Variants in SPATS2L observed in about 807,000 individuals in gnomAD.
SPATS2L encodes the protein spermatogenesis associated serine rich 2 like.
In SPATS2L, 30 loss-of-function variants were observed where a neutral mutation model predicts 59.6. The observed-to-expected ratio is 0.50, with a 90% confidence interval of 0.38 to 0.68. The LOEUF is 0.68. SPATS2L is among the 30% of genes least tolerant of loss of function. The pLI, the probability that SPATS2L is intolerant of heterozygous loss-of-function variation, is 0.00. For synonymous variants in SPATS2L, 252 were observed against 263.5 expected, an observed-to-expected ratio of 0.96 and a Z score of 0.42; for missense variants, 615 against 700.0, an observed-to-expected ratio of 0.88 and a Z score of 1.37.
chr2:200,436,047 C>T (rs1460690800), intron 6 of SPATS2L, among the ~76,000 whole-genome samples: 1 of 152,064 alleles, frequency 6.6e-6, no homozygotes, highest in Non-Finnish European at 1.5e-5. Context: ...GCCACATTTC[C>T]AGTGTTCAAC....
At chr2:200,436,769 G>A (rs1343492566) in intron 6 of SPATS2L, among the ~76,000 whole-genome samples, 2 of 151,956 alleles carry the variant, frequency 1.3e-5, no homozygotes, top group African/African-American at 2.4e-5. Context: ...CACTATACAC[G>A]AAGATCTGTG....
intron 1 of SPATS2L, among the ~76,000 whole-genome samples, chr2:200,328,620 C>T (rs1203651248): frequency 6.6e-6 from 1 of 152,176 alleles, no homozygotes; most frequent in African/African-American, 2.4e-5. Context: ...GTTCTCCAGT[C>T]ATTTTGTGGA....
intron 1 of SPATS2L, among the ~76,000 whole-genome samples, chr2:200,320,598 T>A (rs1166361159): frequency 6.6e-6 from 1 of 152,116 alleles, no homozygotes; most frequent in Non-Finnish European, 1.5e-5. Context: ...CCTGTGTAGA[T>A]GGCTCCATGA....
intron 10 of SPATS2L, 60 bp from the exon 11 acceptor site, chr2:200,469,854 G>C (rs751994609): frequency 6.7e-6 from 9 of 1,341,544 alleles, no homozygotes; most frequent in Middle Eastern, 1.8e-4. Context: ...ACGCATCCAC[G>C]GGGGTGCCTT....
intron 6 of SPATS2L, among the ~76,000 whole-genome samples, chr2:200,423,648 C>G (rs2083404640): frequency 6.6e-6 from 1 of 152,098 alleles, no homozygotes; most frequent in African/African-American, 2.4e-5. Context: ...GTCACAATAA[C>G]AAAGCCACAT....
At chr2:200,406,446 G>A (rs957055607) in intron 3 of SPATS2L, among the ~76,000 whole-genome samples, 1 of 151,320 alleles carries the variant, frequency 6.6e-6, no homozygotes, top group Non-Finnish European at 1.5e-5. Flanking sequence ...TATTATAAAG[G>A]TCTGGCAGCG....
chr2:200,315,508 C>A (rs1413802988), intron 1 of SPATS2L, among the ~76,000 whole-genome samples: 1 of 152,178 alleles, frequency 6.6e-6, no homozygotes, highest in Non-Finnish European at 1.5e-5. Flanking sequence ...TGAGATTCCC[C>A]ATCCTGCCGT....
intron 3 of SPATS2L, among the ~76,000 whole-genome samples, chr2:200,398,981 T>C (rs1377730913): frequency 6.6e-6 from 1 of 152,224 alleles, no homozygotes; most frequent in Non-Finnish European, 1.5e-5. Context: ...GGAACTCTGC[T>C]TCTCAATCCT....
intron 6 of SPATS2L, among the ~76,000 whole-genome samples, chr2:200,424,498 A>T (rs1474916378): frequency 7.8e-6 from 1 of 127,792 alleles, no homozygotes; most frequent in Non-Finnish European, 1.9e-5. Flanking sequence ...CAAAAACAAA[A>T]ACAAACAAAC....
At chr2:200,348,656 TC>T (rs1327627119) in intron 2 of SPATS2L, among the ~76,000 whole-genome samples, 1 of 152,056 alleles carries the variant, frequency 6.6e-6, no homozygotes, top group Non-Finnish European at 1.5e-5. Context: ...CACTAGTACC[TC>T]CATGTATACC....
At chr2:200,306,188 T>C (rs1447284140), upstream of SPATS2L, 2 of 1,001,280 alleles carry the variant, frequency 2.0e-6, no homozygotes, top group Non-Finnish European at 2.4e-6. Context: ...TATCTTTGCT[T>C]ACATTTTGAG....
chr2:200,473,045 A>G lies in SPATS2L; in HGVS notation c.1274A>G (p.Asn425Ser), dbSNP rs762721583. 17 of 1,612,496 alleles carry G rather than the reference A, an allele frequency of 1.1e-5. No individual in the cohort carries two copies. Among genetic ancestry groups the G allele is most frequent in the Admixed American group, 3.3e-5 (2 of 59,812 alleles). Residue 425 changes from asparagine to serine, a missense_variant, in exon 12 of 13, where the codon AAC (asparagine) becomes AGC (serine). Asn to Ser is a conservative substitution (Grantham distance 46). Coordinates refer to ENST00000409140, the MANE Select transcript of SPATS2L (RefSeq NM_001100423.2). ...ADPSHQTMPA[N>S]KQNGSSNQRR... is the part of the protein sequence containing the mutation. ...CCCTCTCACCAGACCATGCCGGCCA[A>G]CAAGCAGGTAAGCCGACACTGGTGC... is the stretch of plus-strand genomic sequence containing the variant.
At chr2:200,333,555 G>T (rs1168709948) in intron 2 of SPATS2L, among the ~76,000 whole-genome samples, 1 of 151,688 alleles carries the variant, frequency 6.6e-6, no homozygotes, top group African/African-American at 2.4e-5. Flanking sequence ...ACAACGTGCA[G>T]GTTTGTTACA....
chr2:200,306,337 A>T (rs1272792309), upstream of SPATS2L: 1 of 1,002,244 alleles, frequency 1.0e-6, no homozygotes, highest in Non-Finnish European at 1.2e-6. Context: ...ATTGTGACAA[A>T]ATCTTTCATT....
intron 11 of SPATS2L, 85 bp downstream of exon 11, chr2:200,470,101 G>T: frequency 9.1e-7 from 1 of 1,093,418 alleles, no homozygotes; most frequent in Admixed American, 2.1e-5. Context: ...CAGGTGTGCA[G>T]TCCCCCCAGG....
intron 3 of SPATS2L, among the ~76,000 whole-genome samples, chr2:200,396,068 T>TATATATATA (rs58104978): frequency 2.4e-3 from 61 of 25,078 alleles, no homozygotes; most frequent in Middle Eastern, 0.033. Context: ...ATATATATAT[T>TATATATATA]TTCCCATAGA....
At chr2:200,378,187 G>A (rs1167055468) in intron 2 of SPATS2L, 4 of 1,000,730 alleles carry the variant, frequency 4.0e-6, no homozygotes, top group Middle Eastern at 6.1e-4. Context: ...CCACGCCCAA[G>A]ATCCTGCTAC....
At chr2:200,402,414 G>A (rs956430880) in intron 3 of SPATS2L, among the ~76,000 whole-genome samples, 10 of 152,128 alleles carry the variant, frequency 6.6e-5, no homozygotes, top group African/African-American at 2.4e-4. Flanking sequence ...CTTTGAGCAT[G>A]TTCTTCCAGT....
intron 12 of SPATS2L, among the ~76,000 whole-genome samples, chr2:200,475,165 C>A (rs760685469): frequency 6.6e-6 from 1 of 152,128 alleles, no homozygotes; most frequent in South Asian, 2.1e-4. Context: ...GTGCAAGGCC[C>A]CTTACAATGT....
Sources: allele counts gnomAD v4.1 joint callset (sites outside exome capture counted in the v4.1 genomes callset), GRCh38; gene constraint gnomAD v4.1.1; transcripts MANE v1.5; gene names NCBI Gene and HGNC (gene_info 2026-07-23, HGNC 2026-07-21).